L3MBTL2: variants seen among roughly 807,000 people sequenced by gnomAD.
L3MBTL2 encodes lethal(3)malignant brain tumor-like protein 2.
Under a neutral mutation model 86.4 loss-of-function variants are expected in L3MBTL2, and 49 were observed. The ratio of observed to expected loss-of-function variants is 0.57; its 90% CI spans 0.45 to 0.72. L3MBTL2 has a LOEUF of 0.72. L3MBTL2 is among the 30% of genes least tolerant of loss of function. The pLI is 0.00. For synonymous variants in L3MBTL2, 336 were observed against 350.6 expected, an observed-to-expected ratio of 0.96 and a Z score of 0.47; for missense variants, 755 against 923.7, an observed-to-expected ratio of 0.82 and a Z score of 2.37.
At chr22:41,220,891 T>C (rs1399308482) in intron 7 of L3MBTL2, 23 bp downstream of exon 7, 1 of 1,603,198 alleles carries the variant, frequency 6.2e-7, no homozygotes, top group Non-Finnish European at 8.5e-7. Context: ...GAACATTTCC[T>C]CTCTTGTTCC....
chr22:41,207,035 CTT>C (rs1250926170), intron 1 of L3MBTL2, among the ~76,000 whole-genome samples: 1 of 152,106 alleles, frequency 6.6e-6, no homozygotes, highest in Non-Finnish European at 1.5e-5. Context: ...TATTACCTCT[CTT>C]GTAATGATGA....
At chr22:41,211,734 A>ATT (rs200967632) in intron 2 of L3MBTL2, among the ~76,000 whole-genome samples, 1 of 138,434 alleles carries the variant, frequency 7.2e-6, no homozygotes, top group East Asian at 2.3e-4. Context: ...TTTTTTTTGT[A>ATT]TTTTAGTAGA....
In L3MBTL2 at chr22:41,230,303, CTACCACCACCACCA is replaced by C. The variant is rs759152463; in HGVS notation, c.*54_*67del. On this transcript the variant is annotated 3_prime_UTR_variant, in exon 17 of 17. Transcript: ENST00000216237. ...AGCTGGAAGCCAGCCCAGCGTTTCT[CTACCACCACCACCA>C]TGCCTCCACCTGACTTTGGCTTGGA... is the stretch of plus-strand genomic sequence containing the variant. 4 of 1,312,528 alleles carry C rather than the reference CTACCACCACCACCA, an allele frequency of 3.0e-6. No homozygotes were observed. The highest frequency in any genetic ancestry group is 4.4e-6 in the Non-Finnish European group (4 of 907,944). 81.3% of individuals were successfully genotyped at this position (1,312,528 alleles called of 1,614,324 possible).
In L3MBTL2 at chr22:41,230,183, C is replaced by A. The variant is rs930238812; in HGVS notation, c.2050C>A (p.Pro684Thr). The change falls in exon 17 of 17, where the codon CCC becomes ACC. Residue 684 changes from proline to threonine, a missense_variant. By Grantham distance (38) the Pro-to-Thr change is conservative (BLOSUM62 -1). Coordinates refer to ENST00000216237, the MANE Select transcript of L3MBTL2 (RefSeq NM_031488.5). ...VKEEHLDVAS[P>T]DKASSPELPV... is the part of the protein sequence containing the mutation. ...GGAAGAGCATCTAGACGTGGCCTCG[C>A]CCGACAAGGCTTCAAGTCCAGAGCT... The A allele has an allele frequency of 6.2e-7, 1 of 1,613,448 alleles. No homozygotes were observed. Among genetic ancestry groups the A allele is most frequent in the Admixed American group, 1.7e-5 (1 of 59,936 alleles).
rs1206993253 is a variant in L3MBTL2 at position 41,224,032 on chromosome 22, A to C, written c.955A>C (p.Met319Leu). Residue 319 changes from methionine to leucine, a missense_variant, in exon 9 of 17, where the codon ATG (methionine) becomes CTG (leucine). Met to Leu is a conservative substitution (Grantham distance 15). Around this residue, in one of 3 missense-constraint regions of L3MBTL2, gnomAD observed 634 missense variants for 748.9 expected, o/e 0.85. Transcript: ENST00000216237. This position sits in a 1 kb window ranked among gnomAD's most constrained non-coding sequence, Gnocchi z 4.9. ...VDFHIKMVES[M>L]KYPFRQGMRL... ...GACGTCGTTTCAGATGGTGGAGAGCATGAAGTACCCCTTTAGGCAGGGCAT... is the reference window on the plus strand; with the variant it reads ...GACGTCGTTTCAGATGGTGGAGAGCCTGAAGTACCCCTTTAGGCAGGGCAT... 1 of 1,614,132 alleles carries C rather than the reference A, an allele frequency of 6.2e-7. No homozygotes were observed. Among genetic ancestry groups the C allele is most frequent in the Admixed American group, 1.7e-5 (1 of 60,024 alleles).
Position 41,230,217 on chromosome 22 carries a change from C to G in L3MBTL2, c.2084C>G (p.Ser695Cys). 6.2e-7 allele frequency: 1 copy of G among 1,613,192 alleles called. No individual in the cohort carries two copies. The change falls in exon 17 of 17, where the codon TCC becomes TGC. Residue 695 changes from serine to cysteine, a missense_variant. Physicochemically the swap from Ser to Cys is moderately radical, Grantham distance 112. Transcript: ENST00000216237. ...DKASSPELPV[S>C]VENIKQETDD ...GCTTCAAGTCCAGAGCTGCCTGTCT[C>G]CGTCGAGAACATCAAGCAGGAAACA... is the stretch of plus-strand genomic sequence containing the variant.
chr22:41,222,574 C>G (rs6002287), intron 8 of L3MBTL2, among the ~76,000 whole-genome samples: 2 of 151,480 alleles, frequency 1.3e-5, no homozygotes, highest in African/African-American at 2.4e-5. Context: ...GGCCAGGAGT[C>G]TGAAACCAGC....
Position 41,224,870 on chromosome 22 carries a change from C to G in L3MBTL2, c.1251+69C>G. On this transcript the variant is annotated intron_variant, in intron 10 of 16. Transcript: ENST00000216237. This position sits in a 1 kb window ranked among gnomAD's most constrained non-coding sequence, Gnocchi z 4.9. ...CATTCCGGGCCTGAGGGACCTGGCTCTTCCCCTGGGACCATCCCTTTCCCT... is the reference window on the plus strand; with the variant it reads ...CATTCCGGGCCTGAGGGACCTGGCTGTTCCCCTGGGACCATCCCTTTCCCT... The G allele has an allele frequency of 6.4e-7, 1 of 1,562,252 alleles. No homozygotes were observed. The highest frequency in any genetic ancestry group is 8.8e-7 in the Non-Finnish European group (1 of 1,133,460).
At position 41,224,591 on chromosome 22, in the gene L3MBTL2, G is replaced by GA; in HGVS notation, c.1175-134_1175-133insA. On this transcript the variant is annotated intron_variant, in intron 9 of 16. Coordinates refer to ENST00000216237, the MANE Select transcript of L3MBTL2 (RefSeq NM_031488.5). This position sits in a 1 kb window ranked among gnomAD's most constrained non-coding sequence, Gnocchi z 4.9. Reference sequence around the variant, plus strand: ...TCTGTCTGCTACTCTGGGGTGGGGGGTCCTGAGATACAGAGATACAGCTGA... The same window carrying GA: ...TCTGTCTGCTACTCTGGGGTGGGGGGATCCTGAGATACAGAGATACAGCTGA... 1.5e-6 allele frequency: 1 copy of GA among 674,476 alleles called. No individual in the cohort carries two copies. Among genetic ancestry groups the GA allele is most frequent in the East Asian group, 2.7e-5 (1 of 37,322 alleles). 41.8% of individuals were successfully genotyped at this position (674,476 alleles called of 1,614,324 possible). A position where few individuals can be genotyped will look rare whatever the true frequency, so the allele number is the denominator to read the frequency against.
Position 41,224,795 on chromosome 22 carries a change from C to A in L3MBTL2, c.1245C>A (p.Phe415Leu). The A allele has an allele frequency of 6.2e-7, 1 of 1,612,888 alleles. No individual in the cohort carries two copies. The highest frequency in any genetic ancestry group is 8.5e-7 in the Non-Finnish European group (1 of 1,178,858). ...ACTGTGATGCCGTTCCTTACCTCTT[C>A]AAGAAGGTGAGGTTCAGCTCTTGGG... Reference protein sequence around the residue: ...KIYCDAVPYLFKKVRAVYTEG... With the variant: ...KIYCDAVPYLLKKVRAVYTEG... Residue 415 changes from phenylalanine (F) to leucine (L), a missense_variant, in exon 10 of 17, where the codon TTC (phenylalanine) becomes TTA (leucine). Phe to Leu is a conservative substitution (Grantham distance 22). Around this residue, in one of 3 missense-constraint regions of L3MBTL2, gnomAD observed 634 missense variants for 748.9 expected, o/e 0.85. Coordinates refer to ENST00000216237, the MANE Select transcript of L3MBTL2 (RefSeq NM_031488.5). This position sits in a 1 kb window ranked among gnomAD's most constrained non-coding sequence, Gnocchi z 4.9.
Position 41,209,676 on chromosome 22 carries a change from T to G in L3MBTL2, c.25-20T>G. The G allele has an allele frequency of 1.2e-6, 2 of 1,606,692 alleles. No individual in the cohort carries two copies. The highest frequency in any genetic ancestry group is 1.7e-6 in the Non-Finnish European group (2 of 1,173,548). On this transcript the variant is annotated intron_variant, in intron 1 of 16. Transcript: ENST00000216237. ...GCCAATCATAATTCTTTCTACCTGG[T>G]TTGTGTCATCCTCCATTAGGAGACC...
intron 2 of L3MBTL2, among the ~76,000 whole-genome samples, chr22:41,211,227 G>T (rs1569137394): frequency 1.3e-5 from 2 of 152,078 alleles, no homozygotes; most frequent in African/African-American, 4.8e-5. Flanking sequence ...TTGAGGCAGG[G>T]TCTCACTCTG....
Position 41,219,537 on chromosome 22 carries a change from G to C in L3MBTL2, c.718+1G>C. 1 of 1,603,626 alleles carries C rather than the reference G, an allele frequency of 6.2e-7. No individual in the cohort carries two copies. Among genetic ancestry groups the C allele is most frequent in the South Asian group, 1.1e-5 (1 of 90,840 alleles). ...ATCGCCTCTGTCATCCAGACAGCAG[G>C]TGAGTGTTTGGCCAGGGCAGGGCCA... On this transcript the variant is annotated splice_donor_variant, in intron 6 of 16. Transcript: ENST00000216237. LOFTEE classifies it high-confidence loss of function.
Position 41,227,102 on chromosome 22 carries a change from A to G in L3MBTL2, c.1601A>G (p.His534Arg), listed in dbSNP as rs1308232596. 1 of 1,612,512 alleles carries G rather than the reference A, an allele frequency of 6.2e-7. No homozygotes were observed. Among genetic ancestry groups the G allele is most frequent in the Non-Finnish European group, 8.5e-7 (1 of 1,179,552 alleles). Residue 534 changes from histidine to arginine, a missense_variant, in exon 14 of 17, where the codon CAT becomes CGT. His to Arg is a conservative substitution (Grantham distance 29). Transcript: ENST00000216237. The surrounding 1 kb of genome is among the most constrained non-coding windows in gnomAD (Gnocchi z 6.0). ...SRLFNMDCPN[H>R]GFKVGMKLEA... is the part of the protein sequence containing the mutation. ...TTTCTGCCCCAGGATTGCCCAAACCATGGCTTCAAGGTGGGCATGAAGCTG... is the reference window on the plus strand; with the variant it reads ...TTTCTGCCCCAGGATTGCCCAAACCGTGGCTTCAAGGTGGGCATGAAGCTG...
intron 2 of L3MBTL2, among the ~76,000 whole-genome samples, chr22:41,212,844 A>G (rs2031005827): frequency 6.6e-6 from 1 of 151,000 alleles, no homozygotes; most frequent in African/African-American, 2.4e-5. Context: ...GCAATGAGCC[A>G]AGATGGCGCC....
At chr22:41,222,699 C>T (rs2031910633) in intron 8 of L3MBTL2, among the ~76,000 whole-genome samples, 1 of 151,926 alleles carries the variant, frequency 6.6e-6, no homozygotes. Context: ...GTCAGAAGAT[C>T]ACCTGAGGGC....
chr22:41,210,106 A>T, intron 2 of L3MBTL2, 173 bp downstream of exon 2: 1 of 586,206 alleles, frequency 1.7e-6, no homozygotes, highest in Non-Finnish European at 2.7e-6. Flanking sequence ...CACCCCAAGT[A>T]GCCACTGTGT....
In L3MBTL2 at chr22:41,227,570, C is replaced by G. The variant is rs769209253; in HGVS notation, c.1823-234C>G. 1.9e-5 allele frequency: 29 copies of G among 1,547,864 alleles called. No homozygotes were observed. In the South Asian group the frequency reaches 2.6e-4, roughly 14 times the overall value. On this transcript the variant is annotated intron_variant, in intron 14 of 16. Coordinates refer to ENST00000216237, the MANE Select transcript of L3MBTL2 (RefSeq NM_031488.5). The surrounding 1 kb of genome is among the most constrained non-coding windows in gnomAD (Gnocchi z 6.0). ...TGTCATATGTTCGTGCCCTTGTGCA[C>G]CCAGGTAAACTACCCAGGTCCCTCT...
intron 8 of L3MBTL2, among the ~76,000 whole-genome samples, chr22:41,223,028 C>T (rs986381921): frequency 5.3e-4 from 81 of 152,168 alleles, no homozygotes; most frequent in African/African-American, 1.8e-3. Flanking sequence ...AGAGGGGCCC[C>T]GAGCCAGGCC....
Sources: gnomAD v4.1 joint callset for allele counts (sites outside exome capture counted in the v4.1 genomes callset) on GRCh38, gnomAD v4.1.1 for gene constraint, gnomAD v4.1.1 regional missense constraint, Gnocchi (gnomAD v3.1) non-coding constraint, MANE v1.5 for transcripts, NCBI Gene and HGNC (gene_info 2026-07-23, HGNC 2026-07-21) for gene names.